HPRT1: variants seen among roughly 807,000 people sequenced by gnomAD.
HPRT1 encodes hypoxanthine-guanine phosphoribosyltransferase.
HPRT1 carries 4 observed loss-of-function variants against 19.0 expected under a neutral mutation model. That is an observed-to-expected ratio of 0.21 (90% CI 0.10 to 0.48). The LOEUF is 0.48. HPRT1 is among the 20% of genes least tolerant of loss of function. The probability of loss-of-function intolerance (pLI) is 0.98; values close to 1 mark genes in which losing one functional copy is unlikely to be tolerated. For synonymous variants in HPRT1, 53 were observed against 54.9 expected (o/e 0.97, Z 0.15); for missense variants, 65 against 164.0 (o/e 0.40, Z 3.30).
At chrX:134,481,124 G>A (rs1383589703) in intron 3 of HPRT1, among the ~76,000 whole-genome samples, 1 of 109,016 alleles carries the variant, frequency 9.2e-6, no homozygotes, top group Non-Finnish European at 1.9e-5. Context: ...GTGGCAAGAG[G>A]AGCTTAAAAT....
chrX:134,493,423 C>T (rs1048895785), intron 5 of HPRT1, 85 bp from the exon 6 acceptor site: 45 of 611,063 alleles, frequency 7.4e-5, no homozygotes, highest in African/African-American at 4.2e-4. Context: ...AAAAGAATGA[C>T]AGTATTGCAG....
At chrX:134,466,189 G>A (rs2077596457) in intron 1 of HPRT1, among the ~76,000 whole-genome samples, 1 of 110,720 alleles carries the variant, frequency 9.0e-6, no homozygotes, top group African/African-American at 3.3e-5. Flanking sequence ...GGAGGCCAAG[G>A]TGGGTGGATC....
intron 6 of HPRT1, among the ~76,000 whole-genome samples, chrX:134,495,815 A>G (rs889493559): frequency 2.7e-5 from 3 of 112,141 alleles, no homozygotes; most frequent in African/African-American, 9.7e-5. Context: ...CTTTCTACAG[A>G]AAGTCCGTAC....
chrX:134,495,979 A>G (rs2077679509), intron 6 of HPRT1, among the ~76,000 whole-genome samples: 1 of 112,475 alleles, frequency 8.9e-6, no homozygotes, highest in Admixed American at 9.4e-5. Context: ...TTGTACAAAT[A>G]TATCACATTT....
At chrX:134,495,916 G>T (rs149961347) in intron 6 of HPRT1, among the ~76,000 whole-genome samples, 2 of 112,249 alleles carry the variant, frequency 1.8e-5, no homozygotes, top group African/African-American at 6.5e-5. Context: ...GGTTCATCTA[G>T]GTTGGGGCAT....
chrX:134,481,047 A>T (rs2077638238), intron 3 of HPRT1, among the ~76,000 whole-genome samples: 1 of 110,129 alleles, frequency 9.1e-6, no homozygotes, highest in Non-Finnish European at 1.9e-5. Context: ...TGGTTAAAAG[A>T]TTACTGCAGT....
At chrX:134,490,409 C>CT (rs1210448113) in intron 5 of HPRT1, among the ~76,000 whole-genome samples, 2 of 107,764 alleles carry the variant, frequency 1.9e-5, no homozygotes, top group African/African-American at 6.7e-5. Context: ...TCCTACCTCT[C>CT]TTTTTTTAGT....
intron 5 of HPRT1, among the ~76,000 whole-genome samples, chrX:134,493,253 C>T (rs2077672332): frequency 1.8e-5 from 2 of 111,073 alleles, no homozygotes; most frequent in African/African-American, 6.5e-5. Context: ...CATCATAACT[C>T]CCTAATAAAA....
Position 134,497,685 on chromosome X carries a change from G to A in HPRT1, c.486-705G>A, listed in dbSNP as rs375221650. ...GTTGTGGCCAGGCGCGGTGGCTTAC[G>A]CCTGTAATTTCAGCACTTTGGGAGA... On this transcript the variant is annotated intron_variant, in intron 6 of 8. Coordinates refer to ENST00000298556, the MANE Select transcript of HPRT1 (RefSeq NM_000194.3). Among the ~76,000 whole-genome samples, 33 of 110,609 alleles carry A rather than the reference G, an allele frequency of 3.0e-4. 4 individuals are homozygous for A. Among genetic ancestry groups the A allele is most frequent in the Admixed American group, 2.3e-3 (24 of 10,413 alleles).
intron 5 of HPRT1, 120 bp from the exon 6 acceptor site, chrX:134,493,388 G>C (rs1403740446): frequency 5.5e-6 from 3 of 546,341 alleles, no homozygotes; most frequent in African/African-American, 4.5e-5. Context: ...TCTCCATGTA[G>C]ATTTTGGTGA....
chrX:134,463,306 AT>A (rs747944027), intron 1 of HPRT1, among the ~76,000 whole-genome samples: 1 of 112,107 alleles, frequency 8.9e-6, no homozygotes, highest in African/African-American at 3.2e-5. Flanking sequence ...TGTGAAAGAT[AT>A]GCTTTATGTG....
chrX:134,497,879 A>G (rs112020662), intron 6 of HPRT1, among the ~76,000 whole-genome samples: 1,532 of 107,954 alleles, frequency 0.014, 32 homozygotes, highest in African/African-American at 0.049. Context: ...CCCAGGAGGC[A>G]GAGCTTGCAG....
intron 6 of HPRT1, among the ~76,000 whole-genome samples, chrX:134,495,892 C>A (rs1188261542): frequency 8.9e-6 from 1 of 112,319 alleles, no homozygotes; most frequent in Non-Finnish European, 1.9e-5. Flanking sequence ...TTTCACTTAG[C>A]ATAGTGTTTT....
In HPRT1 at chrX:134,467,041, C is replaced by CTTTTTTT. The variant is rs779817345; in HGVS notation, c.28-6303_28-6297dup. 7.3e-3 allele frequency among the ~76,000 whole-genome samples: 447 copies of CTTTTTTT among 60,996 alleles called. 31 individuals carry two copies. Among genetic ancestry groups the CTTTTTTT allele is most frequent in the African/African-American group, 0.028 (387 of 13,659 alleles). 53.0% of individuals were successfully genotyped at this position (60,996 alleles called of 115,157 possible). ...TATGCCTTTCCCACTAGATTTTAAGCTTTTTTTTTTTTTTTTTTTTTGTGA... is the reference window on the plus strand; with the variant it reads ...TATGCCTTTCCCACTAGATTTTAAGCTTTTTTTTTTTTTTTTTTTTTTTTTTTTGTGA... On this transcript the variant is annotated intron_variant, in intron 1 of 8. Coordinates refer to ENST00000298556, the MANE Select transcript of HPRT1 (RefSeq NM_000194.3).
intron 1 of HPRT1, among the ~76,000 whole-genome samples, chrX:134,472,009 G>A (rs1185117598): frequency 2.7e-5 from 3 of 110,221 alleles, no homozygotes; most frequent in African/African-American, 9.9e-5. Context: ...TTACTCTGTT[G>A]TCCACGCTGG....
chrX:134,485,036 G>T (rs899955476), intron 3 of HPRT1, among the ~76,000 whole-genome samples: 4 of 111,216 alleles, frequency 3.6e-5, no homozygotes, highest in Non-Finnish European at 7.5e-5. Context: ...CCCAGAAGTG[G>T]GATTACTGGA....
At chrX:134,470,570 A>G (rs1039551913) in intron 1 of HPRT1, among the ~76,000 whole-genome samples, 4 of 111,709 alleles carry the variant, frequency 3.6e-5, no homozygotes, top group African/African-American at 1.3e-4. Flanking sequence ...GGTTTGACCA[A>G]TATTTATTGG....
rs777768150 is a variant in HPRT1 at position 134,464,495 on chromosome X, T to C, written c.27+4157T>C. 7.1e-5 allele frequency among the ~76,000 whole-genome samples: 8 copies of C among 112,157 alleles called. No homozygotes were observed. The South Asian group carries it at 3.0e-3, about 42-fold the overall frequency. On this transcript the variant is annotated intron_variant, in intron 1 of 8. Coordinates refer to ENST00000298556, the MANE Select transcript of HPRT1 (RefSeq NM_000194.3). ...TGCCCATTCCAGAAGTTTGGAAATA[T>C]TACTCATTACTAGGAATTAAATAAA...
At chrX:134,497,815 C>T (rs2077685519) in intron 6 of HPRT1, among the ~76,000 whole-genome samples, 1 of 109,337 alleles carries the variant, frequency 9.1e-6, no homozygotes, top group Admixed American at 9.7e-5. Context: ...GGAGTGCTGG[C>T]GGGTGCCTGT....
Sources: allele counts gnomAD v4.1 joint callset (sites outside exome capture counted in the v4.1 genomes callset), GRCh38; gene constraint gnomAD v4.1.1; transcripts MANE v1.5; gene names NCBI Gene and HGNC (gene_info 2026-07-23, HGNC 2026-07-21).